Variants in SERPINB12 observed in about 807,000 individuals in gnomAD.
SERPINB12 encodes serpin B12.
In SERPINB12, 57 loss-of-function variants were observed where a neutral mutation model predicts 41.1. That is an observed-to-expected ratio of 1.39 (90% confidence interval 1.12 to 1.73). SERPINB12 has a LOEUF of 1.73. Ranked by LOEUF, SERPINB12 falls within the 40% of genes most tolerant of loss-of-function variation. SERPINB12 has a pLI of 0.00. For synonymous variants in SERPINB12, 180 were observed against 181.3 expected, an observed-to-expected ratio of 0.99 and a Z score of 0.06; for missense variants, 536 against 501.9, an observed-to-expected ratio of 1.07 and a Z score of -0.65.
intron 1 of SERPINB12, among the ~76,000 whole-genome samples, chr18:63,547,732 A>AT (rs1223918510): frequency 4.6e-5 from 7 of 151,990 alleles, no homozygotes; most frequent in East Asian, 1.9e-4. Context: ...CAGTAAATGA[A>AT]TTTTTTTTAT....
chr18:63,536,935 G>A, the SERPINB12 span, among the ~76,000 whole-genome samples: 1 of 151,660 alleles, frequency 6.6e-6, no homozygotes, highest in Non-Finnish European at 1.5e-5. Context: ...GGTATTTAGG[G>A]GAAACAATTT....
At chr18:63,557,154 C>G (rs1443446917) in intron 2 of SERPINB12, among the ~76,000 whole-genome samples, 1 of 152,160 alleles carries the variant, frequency 6.6e-6, no homozygotes, top group Non-Finnish European at 1.5e-5. Flanking sequence ...TCACATTGGC[C>G]TCCTGGCTTC....
rs1284791832 is a variant in SERPINB12, at chr18:63,567,207, T to C, written c.*196T>C. 7.2e-5 allele frequency among the ~76,000 whole-genome samples: 11 copies of C among 152,214 alleles called. No homozygotes were observed. Among genetic ancestry groups the C allele is most frequent in the Admixed American group, 7.2e-4 (11 of 15,282 alleles). On this transcript the variant is annotated 3_prime_UTR_variant, in exon 8 of 8. Transcript: ENST00000382768. The stretch of plus-strand genomic sequence containing the variant: ...TCTGAGTCTGTTAGTATTGAAGGGC[T>C]GTTGTTCTCTACCCTAAACTTTCAA...
At chr18:63,559,003 CTTCTTTCTTTCTTTCT>C (rs374734513) in intron 3 of SERPINB12, among the ~76,000 whole-genome samples, 4 of 78,536 alleles carry the variant, frequency 5.1e-5, no homozygotes, top group Non-Finnish European at 1.0e-4. Context: ...TCTTTCCTTC[CTTCTTTCTTTCTTTCT>C]TTCTTTCTTT....
chr18:63,559,727 C>T lies in SERPINB12; in HGVS notation c.444+9C>T, dbSNP rs1270713416. The T allele has an allele frequency of 2.5e-6, 4 of 1,613,738 alleles. No homozygotes were observed. Among genetic ancestry groups the T allele is most frequent in the Non-Finnish European group, 3.4e-6 (4 of 1,179,788 alleles). ...AATTCCCAATCTGTCAGGTGAGTTG[C>T]ACACGAATGGTGACTAAAGCTACCA... is the stretch of plus-strand genomic sequence containing the variant. On this transcript the variant is annotated intron_variant, in intron 4 of 7. Coordinates refer to ENST00000382768, the MANE Select transcript of SERPINB12 (RefSeq NM_001307928.2).
intron 5 of SERPINB12, among the ~76,000 whole-genome samples, 153 bp from the exon 6 acceptor site, chr18:63,563,825 G>A (rs1217145701): frequency 1.3e-5 from 2 of 151,796 alleles, no homozygotes; most frequent in African/African-American, 4.8e-5. Context: ...GAACCCAGAA[G>A]GCAGAGGTTG....
chr18:63,556,343 G>C lies in SERPINB12; in HGVS notation c.168+16G>C. On this transcript the variant is annotated intron_variant, in intron 2 of 7. Coordinates refer to ENST00000382768, the MANE Select transcript of SERPINB12 (RefSeq NM_001307928.2). ...GATTGATGAGGTACGTGTCCACTAG[G>C]GTGCTACACAGGGTCCTAAACTCTG... 1.9e-6 allele frequency: 3 copies of C among 1,609,676 alleles called. No individual in the cohort carries two copies. The highest frequency in any genetic ancestry group is 2.5e-6 in the Non-Finnish European group (3 of 1,176,988).
intron 1 of SERPINB12, among the ~76,000 whole-genome samples, chr18:63,545,866 A>G (rs1313119723): frequency 6.6e-6 from 1 of 152,156 alleles, no homozygotes; most frequent in Non-Finnish European, 1.5e-5. Context: ...GGTTTTTAGA[A>G]TTTTGTGGAA....
intron 1 of SERPINB12, among the ~76,000 whole-genome samples, chr18:63,546,279 C>G (rs1910385643): frequency 6.6e-6 from 1 of 152,184 alleles, no homozygotes; most frequent in Non-Finnish European, 1.5e-5. Context: ...TAGCTTTCTC[C>G]TAGTTGCTCC....
At chr18:63,533,485 G>C in the SERPINB12 span, among the ~76,000 whole-genome samples, 1 of 152,186 alleles carries the variant, frequency 6.6e-6, no homozygotes, top group Non-Finnish European at 1.5e-5. Context: ...TTATAGAAGA[G>C]CAGAGCTGAG....
intron 2 of SERPINB12, among the ~76,000 whole-genome samples, chr18:63,557,045 G>T (rs1167892530): frequency 6.6e-6 from 1 of 152,160 alleles, no homozygotes; most frequent in African/African-American, 2.4e-5. Context: ...CATGATAGCA[G>T]TTCAAGTCCT....
rs1012983219 is a variant in SERPINB12 at position 63,556,202 on chromosome 18, C to A, written c.43C>A (p.Leu15Ile). The change falls in exon 2 of 8, where the codon CTT becomes ATT. Residue 15 changes from leucine (L) to isoleucine (I), a missense_variant. By Grantham distance (5) the Leu-to-Ile change is conservative (BLOSUM62 2). Coordinates refer to ENST00000382768, the MANE Select transcript of SERPINB12 (RefSeq NM_001307928.2). Reference sequence around the variant, plus strand: ...AGCAAACACCAAATTTTGCTTTGATCTTTTTCAAGAGATAGGCAAAGATGA... The same window carrying A: ...AGCAAACACCAAATTTTGCTTTGATATTTTTCAAGAGATAGGCAAAGATGA... ...VTANTKFCFDLFQEIGKDDRH... is the reference protein window; with the variant it reads ...VTANTKFCFDIFQEIGKDDRH... 2 of 1,613,742 alleles carry A rather than the reference C, an allele frequency of 1.2e-6. No individual in the cohort carries two copies. Among genetic ancestry groups the A allele is most frequent in the Non-Finnish European group, 1.7e-6 (2 of 1,179,870 alleles).
chr18:63,535,641 A>G, the SERPINB12 span, among the ~76,000 whole-genome samples: 1 of 152,210 alleles, frequency 6.6e-6, no homozygotes, highest in Admixed American at 6.5e-5. Flanking sequence ...TGGACATAAA[A>G]GACATTTTTG....
At chr18:63,552,087 A>G (rs1344810752) in intron 1 of SERPINB12, among the ~76,000 whole-genome samples, 1 of 152,152 alleles carries the variant, frequency 6.6e-6, no homozygotes, top group Admixed American at 6.5e-5. Flanking sequence ...GAAAATAAGG[A>G]TTAGGGAGGG....
Position 63,559,040 on chromosome 18 carries a change from T to TTCTTTCTTTCTTTCTTTCTTTC in SERPINB12, c.304-519_304-518insTTCTCTTTCTTTCTTTCTTTCT, listed in dbSNP as rs1555675576. On this transcript the variant is annotated intron_variant, in intron 3 of 7. Transcript: ENST00000382768. ...TTTCTTTCTTTCTTTCTTTCTTTCT[T>TTCTTTCTTTCTTTCTTTCTTTC]TCTTTCTTTCTTTCTTTCTCTCCTT... 1.6e-3 allele frequency among the ~76,000 whole-genome samples: 43 copies of TTCTTTCTTTCTTTCTTTCTTTC among 27,706 alleles called. 3 individuals carry two copies. Among genetic ancestry groups the TTCTTTCTTTCTTTCTTTCTTTC allele is most frequent in the African/African-American group, 3.2e-3 (43 of 13,536 alleles). The allele number at this position is 27,706 out of a possible 152,430, so 18.2% of individuals were successfully genotyped here.
chr18:63,520,210 T>G, the SERPINB12 span, among the ~76,000 whole-genome samples: 2 of 152,180 alleles, frequency 1.3e-5, no homozygotes, highest in Admixed American at 6.5e-5. Context: ...TCACACCCAG[T>G]GCAGGCTTGG....
chr18:63,545,294 T>A (rs1308877672), intron 1 of SERPINB12, among the ~76,000 whole-genome samples: 3 of 152,108 alleles, frequency 2.0e-5, no homozygotes, highest in African/African-American at 7.2e-5. Context: ...CTAGTGTAAT[T>A]CTCTGGCACT....
At chr18:63,519,595 T>C in the SERPINB12 span, among the ~76,000 whole-genome samples, 5 of 152,280 alleles carry the variant, frequency 3.3e-5, no homozygotes, top group African/African-American at 1.2e-4. Flanking sequence ...TCCAGTACCA[T>C]TTGGTGCATT....
chr18:63,557,001 C>T (rs73468559), intron 2 of SERPINB12, among the ~76,000 whole-genome samples: 8,635 of 152,228 alleles, frequency 0.057, 475 homozygotes, highest in African/African-American at 0.14. Context: ...TTCTATTTCT[C>T]ATCTGTTCAA....
Sources: allele counts gnomAD v4.1 joint callset (sites outside exome capture counted in the v4.1 genomes callset), GRCh38; gene constraint gnomAD v4.1.1; transcripts MANE v1.5; gene names NCBI Gene and HGNC (gene_info 2026-07-23, HGNC 2026-07-21).